The following SMARCC1 variants were observed in gnomAD, a reference collection of about 807,000 sequenced individuals.
The protein encoded by SMARCC1 is SWI/SNF complex subunit SMARCC1.
In SMARCC1, 43 loss-of-function variants were observed where a neutral mutation model predicts 147.4. The observed-to-expected ratio is 0.29, with a 90% CI of 0.23 to 0.38. The LOEUF (loss-of-function observed/expected upper bound fraction) is 0.38, where lower values mean the gene tolerates loss of function less well. SMARCC1 is among the 10% of genes least tolerant of loss of function. The pLI is 1.00. For synonymous variants in SMARCC1, 495 were observed against 484.4 expected, an observed-to-expected ratio of 1.02 and a Z score of -0.29; for missense variants, 1,119 against 1,381.1, an observed-to-expected ratio of 0.81 and a Z score of 3.01.
Position 47,763,635 on chromosome 3 carries a change from C to A in SMARCC1, c.315+9182G>T, listed in dbSNP as rs1033821652. Reference sequence around the variant, plus strand: ...GATAGGCATGAGCCACAGTGCCCAGCTGAGATTTTTTTTTTAAGAAAAAAA... The same window carrying A: ...GATAGGCATGAGCCACAGTGCCCAGATGAGATTTTTTTTTTAAGAAAAAAA... On this transcript the variant is annotated intron_variant, in intron 2 of 27. Transcript: ENST00000254480. Among the ~76,000 whole-genome samples the A allele has an allele frequency of 6.6e-5, 10 of 151,438 alleles. No homozygotes were observed. In the East Asian group the frequency reaches 1.7e-3, roughly 26 times the overall value.
intron 26 of SMARCC1, among the ~76,000 whole-genome samples, chr3:47,602,850 T>C (rs1452204522): frequency 3.9e-5 from 6 of 152,206 alleles, no homozygotes; most frequent in Non-Finnish European, 8.8e-5. Context: ...GCCTCATTTA[T>C]TACAAATGCC....
intron 19 of SMARCC1, among the ~76,000 whole-genome samples, chr3:47,669,873 G>A (rs965255449): frequency 1.3e-5 from 2 of 152,194 alleles, no homozygotes; most frequent in African/African-American, 4.8e-5. Flanking sequence ...TATGTGGTCT[G>A]GGAACCCAGA....
At chr3:47,589,702 C>T (rs922381463) in intron 27 of SMARCC1, among the ~76,000 whole-genome samples, 1 of 152,214 alleles carries the variant, frequency 6.6e-6, no homozygotes, top group African/African-American at 2.4e-5. Context: ...GTCCATGAAG[C>T]CTCCCAGAGT....
chr3:47,727,585 C>T (rs7638103), intron 6 of SMARCC1, among the ~76,000 whole-genome samples: 94,964 of 151,716 alleles, frequency 0.63, 30,514 homozygotes, highest in East Asian at 0.72. Context: ...GGGTTTTGGC[C>T]ATTTTCCTCT....
At chr3:47,674,327 T>C (rs2033541782) in intron 18 of SMARCC1, among the ~76,000 whole-genome samples, 1 of 152,216 alleles carries the variant, frequency 6.6e-6, no homozygotes, top group African/African-American at 2.4e-5. Context: ...TCTTATACTG[T>C]GTGCTAGCGA....
chr3:47,657,873 A>G (rs1467294056), intron 21 of SMARCC1, among the ~76,000 whole-genome samples: 1 of 152,018 alleles, frequency 6.6e-6, no homozygotes, highest in Non-Finnish European at 1.5e-5. Flanking sequence ...AATACAGCAA[A>G]ACTTATAGAA....
chr3:47,726,031 C>T (rs2034295338), intron 6 of SMARCC1, among the ~76,000 whole-genome samples: 3 of 118,774 alleles, frequency 2.5e-5, no homozygotes, highest in Non-Finnish European at 4.9e-5. Context: ...CACTGCACTC[C>T]AGCCTGGGTA....
chr3:47,665,103 G>C (rs2033405502), intron 19 of SMARCC1, among the ~76,000 whole-genome samples: 1 of 152,124 alleles, frequency 6.6e-6, no homozygotes. Context: ...AAAGTGCTGA[G>C]ATTACAGGTG....
chr3:47,620,073 G>A (rs1224446528), intron 25 of SMARCC1, among the ~76,000 whole-genome samples: 1 of 152,192 alleles, frequency 6.6e-6, no homozygotes, highest in Non-Finnish European at 1.5e-5. Flanking sequence ...AGATAAAAAA[G>A]TCAAAATCGT....
intron 2 of SMARCC1, among the ~76,000 whole-genome samples, chr3:47,752,108 C>A (rs1302720117): frequency 6.6e-6 from 1 of 152,014 alleles, no homozygotes; most frequent in Non-Finnish European, 1.5e-5. Context: ...CAACAACAAA[C>A]CTCTACAGAT....
At chr3:47,770,702 T>C (rs1485129558) in intron 2 of SMARCC1, among the ~76,000 whole-genome samples, 3 of 151,954 alleles carry the variant, frequency 2.0e-5, no homozygotes, top group African/African-American at 7.3e-5. Context: ...AGGTAAAAAA[T>C]GAAATCATAC....
intron 18 of SMARCC1, among the ~76,000 whole-genome samples, chr3:47,670,926 C>T (rs1471536786): frequency 6.6e-6 from 1 of 151,976 alleles, no homozygotes; most frequent in African/African-American, 2.4e-5. Context: ...TAGCTCCTGC[C>T]TGTAATCTCA....
intron 26 of SMARCC1, among the ~76,000 whole-genome samples, chr3:47,596,067 A>AAAAAC (rs71098500): frequency 0.27 from 40,502 of 150,172 alleles, 5,977 homozygotes; most frequent in South Asian, 0.42. Flanking sequence ...AAACAAAAAC[A>AAAAAC]AAAACAAAAC....
chr3:47,608,624 T>C (rs1043480158), intron 26 of SMARCC1, among the ~76,000 whole-genome samples: 4 of 152,042 alleles, frequency 2.6e-5, no homozygotes, highest in Admixed American at 6.6e-5. Flanking sequence ...GGCGGAAGGA[T>C]TGCTTGAGCC....
chr3:47,590,910 C>T (rs2032170919), intron 26 of SMARCC1, 73 bp from the exon 27 acceptor site: 1 of 1,234,572 alleles, frequency 8.1e-7, no homozygotes, highest in African/African-American at 1.5e-5. Context: ...TTAAATCCAA[C>T]TCCTAAATAC....
intron 21 of SMARCC1, among the ~76,000 whole-genome samples, chr3:47,649,942 A>C (rs867870048): frequency 1.3e-5 from 2 of 152,190 alleles, no homozygotes; most frequent in South Asian, 4.1e-4. Flanking sequence ...ATGGTGGACT[A>C]TTTAGGCTAC....
rs1192590680 is a variant in SMARCC1, at chr3:47,587,527, A to G, written c.*682T>C. On this transcript the variant is annotated 3_prime_UTR_variant, in exon 28 of 28. Coordinates refer to ENST00000254480, the MANE Select transcript of SMARCC1 (RefSeq NM_003074.4). ...CTCTAGCACATACTAGTTCAGTGGT[A>G]TGTTCTGCCAGGCAGTGTGGAGGCC... The G allele has an allele frequency of 1.3e-5, 2 of 152,664 alleles. No homozygotes were observed. Among genetic ancestry groups the G allele is most frequent in the African/African-American group, 2.4e-5 (1 of 41,446 alleles). The allele number at this position is 152,664 out of a possible 1,614,324, so 9.5% of individuals were successfully genotyped here.
At chr3:47,704,422 A>T (rs1015914975) in intron 10 of SMARCC1, among the ~76,000 whole-genome samples, 3 of 152,212 alleles carry the variant, frequency 2.0e-5, no homozygotes, top group Admixed American at 6.5e-5. Context: ...AGAGAACTCA[A>T]TCTGGTATGC....
At chr3:47,771,295 CT>C (rs1205361050) in intron 2 of SMARCC1, among the ~76,000 whole-genome samples, 1 of 152,108 alleles carries the variant, frequency 6.6e-6, no homozygotes, top group African/African-American at 2.4e-5. Flanking sequence ...CAAAAAAGGT[CT>C]ACTGATCATA....
Sources: allele counts gnomAD v4.1 joint callset (sites outside exome capture counted in the v4.1 genomes callset), GRCh38; gene constraint gnomAD v4.1.1; transcripts MANE v1.5; gene names NCBI Gene and HGNC (gene_info 2026-07-23, HGNC 2026-07-21).